The following ZNF385D variants were observed in gnomAD, a reference collection of about 807,000 sequenced individuals.
The protein encoded by ZNF385D is zinc finger protein 385D, also known as zinc finger protein 659.
A neutral mutation model predicts 35.8 loss-of-function variants in ZNF385D; 15 were observed. The ratio of observed to expected loss-of-function variants is 0.42; its 90% CI spans 0.28 to 0.64. The LOEUF is 0.64. Among genes scored for constraint, ZNF385D ranks in the 30% least tolerant of loss-of-function variants. The probability of loss-of-function intolerance (pLI) is 0.23; values close to 1 mark genes in which losing one functional copy is unlikely to be tolerated. For missense variants in ZNF385D, 474 were observed against 494.6 expected (o/e 0.96, Z 0.39); for synonymous variants, 212 against 186.8 (o/e 1.13, Z -1.10).
At chr3:21,925,042 G>A (rs536985277) in intron 3 of ZNF385D, among the ~76,000 whole-genome samples, 1 of 152,238 alleles carries the variant, frequency 6.6e-6, no homozygotes, top group African/African-American at 2.4e-5. Flanking sequence ...CCATGTTCAT[G>A]GTTTGGAAGA....
chr3:21,872,370 A>G (rs937770183), intron 3 of ZNF385D, among the ~76,000 whole-genome samples: 2 of 152,172 alleles, frequency 1.3e-5, no homozygotes, highest in African/African-American at 4.8e-5. Flanking sequence ...TATTATTCTT[A>G]TATTCCTAGC....
intron 1 of ZNF385D, among the ~76,000 whole-genome samples, chr3:21,722,156 C>T (rs746244391): frequency 2.8e-4 from 43 of 151,226 alleles, no homozygotes; most frequent in Admixed American, 9.2e-4. Flanking sequence ...AGGGGTGGTG[C>T]TAAGTCCCAA....
At chr3:22,114,757 C>T (rs1434430743) in intron 3 of ZNF385D, among the ~76,000 whole-genome samples, 3 of 151,964 alleles carry the variant, frequency 2.0e-5, no homozygotes, top group Admixed American at 1.3e-4. Flanking sequence ...TGTGTTCCTC[C>T]AAAATTCATG....
intron 2 of ZNF385D, among the ~76,000 whole-genome samples, chr3:21,568,569 A>G (rs1244775253): frequency 6.6e-6 from 1 of 152,180 alleles, no homozygotes; most frequent in African/African-American, 2.4e-5. Context: ...AGGCAGGAAA[A>G]AAAGGGGTTC....
chr3:22,026,046 G>C (rs1055900109), intron 3 of ZNF385D, among the ~76,000 whole-genome samples: 2 of 152,254 alleles, frequency 1.3e-5, no homozygotes, highest in Admixed American at 1.3e-4. Context: ...AGGCTGACTC[G>C]AGTAGAGCTC....
chr3:21,936,992 A>G (rs546519911), intron 3 of ZNF385D, among the ~76,000 whole-genome samples: 1 of 152,294 alleles, frequency 6.6e-6, no homozygotes, highest in African/African-American at 2.4e-5. Flanking sequence ...ATTTATGGAT[A>G]TAAAAGGTTG....
chr3:22,302,323 GAGTT>G (rs1210599974), intron 2 of ZNF385D, among the ~76,000 whole-genome samples: 1 of 151,792 alleles, frequency 6.6e-6, no homozygotes. Context: ...TTCTGTGTAT[GAGTT>G]AGTTTCTCAT....
chr3:22,310,578 T>G (rs1446346241), intron 2 of ZNF385D, among the ~76,000 whole-genome samples: 1 of 151,962 alleles, frequency 6.6e-6, no homozygotes, highest in Non-Finnish European at 1.5e-5. Context: ...TTAGAATTAT[T>G]AACTCAAATA....
chr3:21,666,594 A>G (rs1337898312), intron 1 of ZNF385D, among the ~76,000 whole-genome samples: 1 of 152,198 alleles, frequency 6.6e-6, no homozygotes, highest in Non-Finnish European at 1.5e-5. Flanking sequence ...TCACCAGAGC[A>G]CACACACTAT....
chr3:22,264,476 G>T (rs886665846), intron 2 of ZNF385D, among the ~76,000 whole-genome samples: 1 of 151,976 alleles, frequency 6.6e-6, no homozygotes, highest in Non-Finnish European at 1.5e-5. Context: ...GAGCCTAGAG[G>T]CTAATAGCAG....
chr3:21,572,316 A>G (rs1021963285), intron 2 of ZNF385D, among the ~76,000 whole-genome samples: 1 of 152,184 alleles, frequency 6.6e-6, no homozygotes, highest in African/African-American at 2.4e-5. Context: ...TTGTAAGCAT[A>G]ATATGGAAAT....
chr3:21,867,206 T>C (rs558280496), intron 3 of ZNF385D, among the ~76,000 whole-genome samples: 67 of 152,270 alleles, frequency 4.4e-4, no homozygotes, highest in African/African-American at 1.5e-3. Flanking sequence ...CAATCCCTTT[T>C]ATAGTGGCAT....
chr3:21,685,451 A>G (rs1277636540), intron 1 of ZNF385D, among the ~76,000 whole-genome samples: 1 of 152,188 alleles, frequency 6.6e-6, no homozygotes, highest in African/African-American at 2.4e-5. Flanking sequence ...TTGATATTCA[A>G]ATCTCTACAT....
chr3:21,790,615 A>AG lies in ZNF385D; in HGVS notation c.326-125588dup, dbSNP rs1299086699. On this transcript the variant is annotated intron_variant, in intron 3 of 5. Transcript: ENST00000494108. Reference sequence around the variant, plus strand: ...CAGAATGCAGCTTTTTTGGAAGGGGAGGGTGAGCATCTGGGTATTACATTT... The same window carrying AG: ...CAGAATGCAGCTTTTTTGGAAGGGGAGGGGTGAGCATCTGGGTATTACATTT... Among the ~76,000 whole-genome samples, 3 of 152,130 alleles carry AG rather than the reference A, an allele frequency of 2.0e-5. No homozygotes were observed. In the East Asian group the frequency reaches 5.8e-4, roughly 29 times the overall value.
rs532147369 is a variant in ZNF385D, at chr3:21,991,133, A to C, written c.325+177684T>G. Among the ~76,000 whole-genome samples, 5 of 152,328 alleles carry C rather than the reference A, an allele frequency of 3.3e-5. No homozygotes were observed. In the East Asian group the frequency reaches 9.6e-4, roughly 29 times the overall value. On this transcript the variant is annotated intron_variant, in intron 3 of 5. Coordinates refer to the ZNF385D transcript ENST00000494108. ...TTGCAAAAACTAATTACGGTGAGGG[A>C]GACTTTCCTTTGCTGTCAGTGTTTT...
In ZNF385D at chr3:21,894,833, G is replaced by A. The variant is rs142031876; in HGVS notation, c.326-229805C>T. On this transcript the variant is annotated intron_variant, in intron 3 of 5. Transcript: ENST00000494108. ...GTGTTACAACCCTTTCAGAAGAAAC[G>A]TAGAGCTTGACACAATGCCAGACAC... Among the ~76,000 whole-genome samples, 34 of 152,180 alleles carry A rather than the reference G, an allele frequency of 2.2e-4. No individual in the cohort carries two copies. The East Asian group carries it at 6.4e-3, about 29-fold the overall frequency.
intron 3 of ZNF385D, among the ~76,000 whole-genome samples, chr3:21,909,628 C>G (rs1266778879): frequency 6.6e-6 from 1 of 152,024 alleles, no homozygotes; most frequent in Non-Finnish European, 1.5e-5. Flanking sequence ...GTTGCAAAGT[C>G]ACAAACCCAT....
chr3:21,882,822 T>G (rs1207719343), intron 3 of ZNF385D, among the ~76,000 whole-genome samples: 2 of 152,056 alleles, frequency 1.3e-5, no homozygotes, highest in African/African-American at 4.8e-5. Flanking sequence ...AGTTTTTTTA[T>G]GAAGAGCATA....
intron 2 of ZNF385D, among the ~76,000 whole-genome samples, chr3:21,645,645 G>C (rs892254877): frequency 3.9e-5 from 6 of 152,126 alleles, no homozygotes; most frequent in Admixed American, 3.3e-4. Context: ...AAAAGCTAAA[G>C]TTCCCTGCAG....
Sources: gnomAD v4.1 joint callset for allele counts (sites outside exome capture counted in the v4.1 genomes callset) on GRCh38, gnomAD v4.1.1 for gene constraint, MANE v1.5 for transcripts, NCBI Gene and HGNC (gene_info 2026-07-23, HGNC 2026-07-21) for gene names.